Variants in C2orf68 observed in about 807,000 individuals in gnomAD.
C2orf68 encodes the protein UPF0561 protein C2orf68.
Under a neutral mutation model 19.1 loss-of-function variants are expected in C2orf68, and 15 were observed. That is an observed-to-expected ratio of 0.79 (90% confidence interval 0.53 to 1.21). The LOEUF (loss-of-function observed/expected upper bound fraction) is 1.21, where lower values mean the gene tolerates loss of function less well. C2orf68 is among the 50% of genes most tolerant of loss of function. C2orf68 has a pLI of 0.00. For synonymous variants in C2orf68, 98 were observed against 91.0 expected (o/e 1.08, Z -0.44); for missense variants, 242 against 226.6 (o/e 1.07, Z -0.44).
rs1156352935 is a variant in C2orf68, at chr2:85,611,895, T to C, written c.90A>G (p.Arg30=). The C allele has an allele frequency of 6.3e-7, 1 of 1,595,096 alleles. No homozygotes were observed. The highest frequency in any genetic ancestry group is 1.4e-5 in the African/African-American group (1 of 73,946). The change falls in exon 1 of 4, where the codon CGA becomes CGG. Residue 30 remains arginine (R), a synonymous_variant. Transcript: ENST00000306336. ...DMNHGFVHHI[R]RNQIARDDYD... ...GGCGGTACCGAGCGATCTGGTTCCG[T>C]CGGATATGGTGCACGAAGCCGTGGT...
In C2orf68 at chr2:85,605,782, C is replaced by G. The variant is rs1034813438; in HGVS notation, c.*3163G>C. Among the ~76,000 whole-genome samples, 9 of 152,216 alleles carry G rather than the reference C, an allele frequency of 5.9e-5. No individual in the cohort carries two copies. Among genetic ancestry groups the G allele is most frequent in the Admixed American group, 5.2e-4 (8 of 15,276 alleles). ...TACTCACCATCCCAAAGGGGTTCCT[C>G]CCACCTGGATGGGGCCAATCTCTAG... On this transcript the variant is annotated 3_prime_UTR_variant, in exon 4 of 4. Coordinates refer to ENST00000306336, the MANE Select transcript of C2orf68 (RefSeq NM_001013649.4).
rs11540408 is a variant in C2orf68, at chr2:85,608,534, A to C, written c.*411T>G. The C allele has an allele frequency of 6.3e-6, 1 of 158,132 alleles. No individual in the cohort carries two copies. The highest frequency in any genetic ancestry group is 1.4e-5 in the Non-Finnish European group (1 of 71,974). The allele number at this position is 158,132 out of a possible 1,614,324, so 9.8% of individuals were successfully genotyped here. A position where few individuals can be genotyped will look rare whatever the true frequency, so the allele number is the denominator to read the frequency against. ...AAACACATGGGTGGAAATGAGCAAA[A>C]GCACAGAAGAAACATAAAATAACAA... On this transcript the variant is annotated 3_prime_UTR_variant, in exon 4 of 4. Coordinates refer to ENST00000306336, the MANE Select transcript of C2orf68 (RefSeq NM_001013649.4).
At chr2:85,611,614 G>A (rs1446523186) in intron 2 of C2orf68, 54 bp downstream of exon 2, 1 of 1,558,310 alleles carries the variant, frequency 6.4e-7, no homozygotes, top group Admixed American at 2.0e-5. Flanking sequence ...GAGAAGGGGA[G>A]TGCGTTGCAG....
chr2:85,610,950 G>A (rs1182738026), intron 2 of C2orf68: 4 of 498 alleles, frequency 8.0e-3, no homozygotes, highest in African/African-American at 0.17. Context: ...AGTAGAGACG[G>A]GGGTTTCACC....
At position 85,606,356 on chromosome 2, in the gene C2orf68, AT is replaced by A. The variant is rs1045732000; in HGVS notation, c.*2588del. On this transcript the variant is annotated 3_prime_UTR_variant, in exon 4 of 4. Transcript: ENST00000306336. ...ACATGCTCCTTGATGGAAAACACTA[AT>A]TTTTGAAAGAAGTAGATGTCTGGAG... 3.9e-5 allele frequency among the ~76,000 whole-genome samples: 6 copies of A among 152,208 alleles called. No homozygotes were observed. Among genetic ancestry groups the A allele is most frequent in the African/African-American group, 1.4e-4 (6 of 41,456 alleles).
In C2orf68 at chr2:85,611,937, C is replaced by T; in HGVS notation, c.48G>A (p.Gly16=). 2 of 1,585,638 alleles carry T rather than the reference C, an allele frequency of 1.3e-6. No individual in the cohort carries two copies. The highest frequency in any genetic ancestry group is 1.7e-6 in the Non-Finnish European group (2 of 1,173,190). ...AGCCGTGGTTCATGTCCAGCCGCCC[C>T]CCAGGCTTGCAGCAGTGCCCCGGCC... is the stretch of plus-strand genomic sequence containing the variant. ...HPRPGHCCKP[G]GRLDMNHGFV... Residue 16 remains glycine (G), a synonymous_variant, in exon 1 of 4, where the codon GGG becomes GGA. Coordinates refer to ENST00000306336, the MANE Select transcript of C2orf68 (RefSeq NM_001013649.4).
rs766636698 is a variant in C2orf68 at position 85,606,171 on chromosome 2, T to C, written c.*2774A>G. 2.1e-4 allele frequency among the ~76,000 whole-genome samples: 32 copies of C among 152,202 alleles called. No homozygotes were observed. Among genetic ancestry groups the C allele is most frequent in the Non-Finnish European group, 4.3e-4 (29 of 68,036 alleles). Reference sequence around the variant, plus strand: ...AGATATGCCTATCAGATTGTGTGTGTGTGCGCGTTTTTTAAAGACAGCCAA... The same window carrying C: ...AGATATGCCTATCAGATTGTGTGTGCGTGCGCGTTTTTTAAAGACAGCCAA... On this transcript the variant is annotated 3_prime_UTR_variant, in exon 4 of 4. Coordinates refer to ENST00000306336, the MANE Select transcript of C2orf68 (RefSeq NM_001013649.4).
At position 85,609,034 on chromosome 2, in the gene C2orf68, A is replaced by C; in HGVS notation, c.412T>G (p.Ser138Ala). 6.2e-7 allele frequency: 1 copy of C among 1,614,206 alleles called. No individual in the cohort carries two copies. The highest frequency in any genetic ancestry group is 1.1e-5 in the South Asian group (1 of 91,084). Residue 138 changes from serine to alanine, a missense_variant, in exon 4 of 4, where the codon TCG becomes GCG. Ser to Ala is a moderately conservative substitution (Grantham distance 99). Coordinates refer to ENST00000306336, the MANE Select transcript of C2orf68 (RefSeq NM_001013649.4). ...GGTGGATCCAGAGGCGTGTGTGCCGACACCTTCTCACTCACCTTTCCTGGG... is the reference window on the plus strand; with the variant it reads ...GGTGGATCCAGAGGCGTGTGTGCCGCCACCTTCTCACTCACCTTTCCTGGG... ...DDPGKVSEKV[S>A]AHTPLDPPMR...
Position 85,612,036 on chromosome 2 carries a change from C to T in C2orf68, c.-52G>A. The stretch of plus-strand genomic sequence containing the variant: ...CCGCCTCGACGGCCCCAACAACAGC[C>T]ACCCGCCCACAGAGCTCCGCGCCGC... On this transcript the variant is annotated 5_prime_UTR_variant, in exon 1 of 4. Transcript: ENST00000306336. 7.6e-7 allele frequency: 1 copy of T among 1,307,198 alleles called. No individual in the cohort carries two copies. Among genetic ancestry groups the T allele is most frequent in the Non-Finnish European group, 1.0e-6 (1 of 980,694 alleles). The allele number at this position is 1,307,198 out of a possible 1,614,324, so 81.0% of individuals were successfully genotyped here.
Position 85,611,969 on chromosome 2 carries a change from G to C in C2orf68, c.16C>G (p.His6Asp). Residue 6 changes from histidine to aspartate, a missense_variant, in exon 1 of 4, where the codon CAT (histidine) becomes GAT (aspartate). Transcript: ENST00000306336. ...TTGCAGCAGTGCCCCGGCCGGGGAT[G>C]CGGCCCCGCCTCCATCAGGAGCCGG... MEAGPHPRPGHCCKPG... is the reference protein window; with the variant it reads MEAGPDPRPGHCCKPG... The C allele has an allele frequency of 2.6e-6, 4 of 1,528,570 alleles. No individual in the cohort carries two copies. The highest frequency in any genetic ancestry group is 3.5e-6 in the Non-Finnish European group (4 of 1,149,870). 94.7% of individuals were successfully genotyped at this position (1,528,570 alleles called of 1,614,324 possible). A position where few individuals can be genotyped will look rare whatever the true frequency, so the allele number is the denominator to read the frequency against.
In C2orf68 at chr2:85,605,454, C is replaced by T. The variant is rs904449356; in HGVS notation, c.*3491G>A. On this transcript the variant is annotated 3_prime_UTR_variant, in exon 4 of 4. Coordinates refer to ENST00000306336, the MANE Select transcript of C2orf68 (RefSeq NM_001013649.4). ...CTGCCTCTGAGAAGGCAGAGAAGCC[C>T]TTTACTCAGAAGGTCTTCAATTCTA... Among the ~76,000 whole-genome samples, 1 of 152,152 alleles carries T rather than the reference C, an allele frequency of 6.6e-6. No individual in the cohort carries two copies. The highest frequency in any genetic ancestry group is 2.4e-5 in the African/African-American group (1 of 41,420).
Position 85,608,287 on chromosome 2 carries a change from T to C in C2orf68, c.*658A>G, listed in dbSNP as rs1673291238. On this transcript the variant is annotated 3_prime_UTR_variant, in exon 4 of 4. Coordinates refer to ENST00000306336, the MANE Select transcript of C2orf68 (RefSeq NM_001013649.4). ...GCCATGGAAAGGGAGGGAGACATGC[T>C]TGCAAATAGGCCTCAAAAATGGAGG... is the stretch of plus-strand genomic sequence containing the variant. 1 of 152,206 alleles carries C rather than the reference T, an allele frequency of 6.6e-6. No individual in the cohort carries two copies. Among genetic ancestry groups the C allele is most frequent in the Non-Finnish European group, 1.5e-5 (1 of 68,070 alleles). The allele number at this position is 152,206 out of a possible 1,614,324, so 9.4% of individuals were successfully genotyped here.
At position 85,606,967 on chromosome 2, in the gene C2orf68, A is replaced by T. The variant is rs1272868264; in HGVS notation, c.*1978T>A. The stretch of plus-strand genomic sequence containing the variant: ...TGCCCAGCTAATTTTTTGTATTTTT[A>T]GTAGAGACGGGGTTTCTGTGTTAGC... On this transcript the variant is annotated 3_prime_UTR_variant, in exon 4 of 4. Transcript: ENST00000306336. 6.6e-6 allele frequency: 1 copy of T among 151,904 alleles called. No homozygotes were observed. The highest frequency in any genetic ancestry group is 1.5e-5 in the Non-Finnish European group (1 of 67,976). The allele number at this position is 151,904 out of a possible 1,614,324, so 9.4% of individuals were successfully genotyped here.
Position 85,612,057 on chromosome 2 carries a change from G to T in C2orf68, c.-73C>A. 8.5e-7 allele frequency: 1 copy of T among 1,173,766 alleles called. No individual in the cohort carries two copies. The highest frequency in any genetic ancestry group is 1.2e-6 in the Non-Finnish European group (1 of 864,710). The allele number at this position is 1,173,766 out of a possible 1,614,324, so 72.7% of individuals were successfully genotyped here. ...CAGCCACCCGCCCACAGAGCTCCGC[G>T]CCGCCCCTTGCTCAGCTTCCGGCCC... On this transcript the variant is annotated 5_prime_UTR_variant, in exon 1 of 4. Coordinates refer to ENST00000306336, the MANE Select transcript of C2orf68 (RefSeq NM_001013649.4).
At chr2:85,609,113 G>A in intron 3 of C2orf68, 46 bp from the exon 4 acceptor site, 1 of 1,605,994 alleles carries the variant, frequency 6.2e-7, no homozygotes, top group Non-Finnish European at 8.5e-7. Flanking sequence ...GCCTCTTCCA[G>A]AAAGGTGACC....
At chr2:85,611,592 T>G in intron 2 of C2orf68, 76 bp downstream of exon 2, 2 of 1,552,404 alleles carry the variant, frequency 1.3e-6, no homozygotes, top group Non-Finnish European at 1.7e-6. Context: ...TAAGAAGTGG[T>G]TTTTCCCTAT....
chr2:85,609,704 C>A, intron 2 of C2orf68, 118 bp from the exon 3 acceptor site: 7 of 1,333,812 alleles, frequency 5.2e-6, no homozygotes, highest in East Asian at 2.4e-5. Flanking sequence ...TTTTTTGAGA[C>A]GAAGTCTCAC....
chr2:85,611,259 G>T, intron 2 of C2orf68: 1 of 1,377,690 alleles, frequency 7.3e-7, no homozygotes, highest in Non-Finnish European at 9.3e-7. Flanking sequence ...AAAATTGACC[G>T]TCATATATTA....
chr2:85,610,013 GTTTTTT>G (rs552989319), intron 2 of C2orf68, among the ~76,000 whole-genome samples: 1 of 125,142 alleles, frequency 8.0e-6, no homozygotes, highest in African/African-American at 3.3e-5. Flanking sequence ...AGTGTAAGTG[GTTTTTT>G]TTTTTTTTTT....
Sources: gnomAD v4.1 joint callset for allele counts (sites outside exome capture counted in the v4.1 genomes callset) on GRCh38, gnomAD v4.1.1 for gene constraint, MANE v1.5 for transcripts, NCBI Gene and HGNC (gene_info 2026-07-23, HGNC 2026-07-21) for gene names.